PDE4D: variants seen among roughly 807,000 people sequenced by gnomAD.
PDE4D encodes the protein phosphodiesterase 4D, also known as 3',5'-cyclic-AMP phosphodiesterase 4D.
A neutral mutation model predicts 87.4 loss-of-function variants in PDE4D; 24 were observed. The observed-to-expected ratio is 0.27, with a 90% CI of 0.20 to 0.39. The LOEUF (loss-of-function observed/expected upper bound fraction) is 0.39, where lower values mean the gene tolerates loss of function less well. Ranked by LOEUF, PDE4D falls within the 10% of genes least tolerant of loss-of-function variation. The pLI is 1.00. For synonymous variants in PDE4D, 384 were observed against 383.2 expected, an observed-to-expected ratio of 1.00 and a Z score of -0.02; for missense variants, 714 against 1,041.0, an observed-to-expected ratio of 0.69 and a Z score of 4.32.
At chr5:59,545,533 T>C (rs1486282075) in intron 1 of PDE4D, among the ~76,000 whole-genome samples, 3 of 152,142 alleles carry the variant, frequency 2.0e-5, no homozygotes, top group Non-Finnish European at 4.4e-5. Context: ...AAACTAAAAA[T>C]TGGATAAAAG....
intron 1 of PDE4D, among the ~76,000 whole-genome samples, chr5:59,803,448 G>A (rs1393619464): frequency 1.3e-5 from 2 of 151,866 alleles, no homozygotes; most frequent in Admixed American, 6.6e-5. Flanking sequence ...ACAGGTGCCC[G>A]CCATCACGCA....
chr5:59,330,797 T>A (rs987704679), intron 1 of PDE4D, among the ~76,000 whole-genome samples: 1 of 152,190 alleles, frequency 6.6e-6, no homozygotes, highest in Non-Finnish European at 1.5e-5. Flanking sequence ...ACACAACTCA[T>A]TGGCTGGTTG....
At chr5:59,220,377 C>CAAAAAAAAAAAAA (rs57610513) in intron 1 of PDE4D, among the ~76,000 whole-genome samples, 8 of 36,156 alleles carry the variant, frequency 2.2e-4, no homozygotes, top group African/African-American at 3.2e-4. Context: ...GACTCTGTCT[C>CAAAAAAAAAAAAA]AAAAAAAAAA....
intron 2 of PDE4D, among the ~76,000 whole-genome samples, chr5:59,997,584 G>A (rs1763628962): frequency 6.6e-6 from 1 of 152,146 alleles, no homozygotes; most frequent in South Asian, 2.1e-4. Flanking sequence ...GGAAAGGGGA[G>A]ACAAAGTAAA....
intron 1 of PDE4D, chr5:60,188,515 G>C (rs1453857055): frequency 6.6e-6 from 1 of 152,086 alleles, no homozygotes; most frequent in Non-Finnish European, 1.5e-5. Flanking sequence ...CAAGCAAGCA[G>C]GAGGGCAAAG....
chr5:60,098,317 T>C (rs1179592049), intron 2 of PDE4D, among the ~76,000 whole-genome samples: 2 of 151,990 alleles, frequency 1.3e-5, no homozygotes, highest in Non-Finnish European at 2.9e-5. Flanking sequence ...AACACATTTT[T>C]ATATAAAAAT....
At chr5:60,274,430 G>T (rs771684212) in intron 1 of PDE4D, among the ~76,000 whole-genome samples, 1 of 152,036 alleles carries the variant, frequency 6.6e-6, no homozygotes, top group African/African-American at 2.4e-5. Flanking sequence ...GTGCAATCTC[G>T]ACTCACTGCA....
At chr5:59,793,827 T>C (rs1014253646) in intron 1 of PDE4D, among the ~76,000 whole-genome samples, 2 of 152,216 alleles carry the variant, frequency 1.3e-5, no homozygotes, top group African/African-American at 4.8e-5. Context: ...TAGGGGCTCA[T>C]AGATTAAGCC....
At chr5:59,019,757 G>C (rs916583126) in intron 6 of PDE4D, among the ~76,000 whole-genome samples, 1 of 151,782 alleles carries the variant, frequency 6.6e-6, no homozygotes, top group African/African-American at 2.4e-5. Flanking sequence ...TTGAATACTC[G>C]AACTCCTCTA....
rs754651326 is a variant in PDE4D at position 58,991,995 on chromosome 5, T to C, written c.1025A>G (p.His342Arg). Reference protein sequence around the residue: ...FISNTFLDKQHEVEIPSPTQK... With the variant: ...FISNTFLDKQREVEIPSPTQK... Reference sequence around the variant, plus strand: ...AGTTGGAGAAGGAATTTCCACTTCATGTTGCTTATCTTGAGAAATTTAGAA... The same window carrying C: ...AGTTGGAGAAGGAATTTCCACTTCACGTTGCTTATCTTGAGAAATTTAGAA... The change falls in exon 8 of 15, where the codon CAT becomes CGT. Residue 342 changes from histidine to arginine, a missense_variant. Coordinates refer to ENST00000340635, the MANE Select transcript of PDE4D (RefSeq NM_001104631.2). The C allele has an allele frequency of 6.4e-7, 1 of 1,569,412 alleles. No homozygotes were observed. Among genetic ancestry groups the C allele is most frequent in the South Asian group, 1.2e-5 (1 of 82,426 alleles).
At chr5:59,248,785 G>A (rs1036233965) in intron 1 of PDE4D, among the ~76,000 whole-genome samples, 11 of 152,160 alleles carry the variant, frequency 7.2e-5, no homozygotes, top group African/African-American at 2.6e-4. Flanking sequence ...AATAAGCAAA[G>A]TAGGGCACAT....
intron 2 of PDE4D, among the ~76,000 whole-genome samples, chr5:60,068,139 T>C (rs1225825449): frequency 1.3e-5 from 2 of 152,214 alleles, no homozygotes; most frequent in African/African-American, 4.8e-5. Flanking sequence ...TAGAGGAACT[T>C]CATTTGTTTC....
intron 6 of PDE4D, among the ~76,000 whole-genome samples, chr5:59,021,881 C>CT (rs1755223955): frequency 6.6e-6 from 1 of 152,140 alleles, no homozygotes; most frequent in Non-Finnish European, 1.5e-5. Context: ...TTGACAGTCT[C>CT]TTTTCACCCC....
At chr5:59,012,620 G>GT (rs1021395570) in intron 6 of PDE4D, among the ~76,000 whole-genome samples, 1 of 152,134 alleles carries the variant, frequency 6.6e-6, no homozygotes, top group Non-Finnish European at 1.5e-5. Flanking sequence ...AAATATATAT[G>GT]CACCCAATAC....
intron 1 of PDE4D, among the ~76,000 whole-genome samples, chr5:59,484,083 C>G (rs1476930711): frequency 6.6e-6 from 1 of 152,140 alleles, no homozygotes; most frequent in Non-Finnish European, 1.5e-5. Flanking sequence ...AGGGCTGACT[C>G]CCAGCTCCTC....
chr5:60,255,939 G>C (rs963508992), intron 1 of PDE4D, among the ~76,000 whole-genome samples: 2 of 151,852 alleles, frequency 1.3e-5, no homozygotes, highest in African/African-American at 4.8e-5. Context: ...CAACTTGATG[G>C]TGTCATTTGA....
chr5:60,517,334 C>T (rs73110509), intron 1 of PDE4D, among the ~76,000 whole-genome samples: 27,701 of 152,206 alleles, frequency 0.18, 3,607 homozygotes, highest in African/African-American at 0.37. Flanking sequence ...GGGAGGCAGA[C>T]GGACTCCTGG....
chr5:59,351,154 A>G (rs756256474), intron 1 of PDE4D, among the ~76,000 whole-genome samples: 4 of 152,168 alleles, frequency 2.6e-5, no homozygotes, highest in Non-Finnish European at 5.9e-5. Context: ...TAATCTGCAC[A>G]ACGACCTTAT....
chr5:60,124,950 A>T (rs755865425), intron 2 of PDE4D, among the ~76,000 whole-genome samples: 2 of 152,086 alleles, frequency 1.3e-5, no homozygotes, highest in Non-Finnish European at 2.9e-5. Context: ...CACTATCTTC[A>T]TTGACTTCCA....
Sources: allele counts gnomAD v4.1 joint callset (sites outside exome capture counted in the v4.1 genomes callset), GRCh38; gene constraint gnomAD v4.1.1; transcripts MANE v1.5; gene names NCBI Gene and HGNC (gene_info 2026-07-23, HGNC 2026-07-21).